The following SECISBP2 variants were observed in gnomAD, a reference collection of about 807,000 sequenced individuals.
SECISBP2 encodes selenocysteine insertion sequence-binding protein 2.
Under a neutral mutation model 98.2 loss-of-function variants are expected in SECISBP2, and 96 were observed. The observed-to-expected ratio is 0.98, with a 90% CI of 0.83 to 1.16. The LOEUF is 1.16. Among genes scored for constraint, SECISBP2 ranks in the 50% most tolerant of loss-of-function variants. The probability of loss-of-function intolerance (pLI) is 0.00; values close to 1 mark genes in which losing one functional copy is unlikely to be tolerated. For synonymous variants in SECISBP2, 407 were observed against 370.2 expected, an observed-to-expected ratio of 1.10 and a Z score of -1.14; for missense variants, 1,046 against 1,022.9, an observed-to-expected ratio of 1.02 and a Z score of -0.31.
chr9:89,363,990 A>G, downstream of SECISBP2: 1 of 1,613,858 alleles, frequency 6.2e-7, no homozygotes, highest in East Asian at 2.2e-5. Context: ...GTCCACATTT[A>G]GGACCCAAAG....
intron 5 of SECISBP2, among the ~76,000 whole-genome samples, chr9:89,332,254 C>G (rs1205385145): frequency 6.6e-6 from 1 of 152,110 alleles, no homozygotes; most frequent in Non-Finnish European, 1.5e-5. Flanking sequence ...ACACAGCCTC[C>G]TTCATTATCA....
chr9:89,329,912 G>T (rs1239966984), intron 5 of SECISBP2: 1 of 152,156 alleles, frequency 6.6e-6, no homozygotes, highest in Admixed American at 6.5e-5. Flanking sequence ...AGAAAAAAAA[G>T]ACTTTTATAA....
At chr9:89,326,187 G>A (rs1826674898) in intron 4 of SECISBP2, 149 bp downstream of exon 4, 1 of 891,430 alleles carries the variant, frequency 1.1e-6, no homozygotes. Flanking sequence ...TAGGGCGTCA[G>A]ACTTCCTGAG....
Position 89,325,483 on chromosome 9 carries a change from A to G in SECISBP2, c.239A>G (p.Tyr80Cys). The change falls in exon 3 of 17, where the codon TAT becomes TGT. Residue 80 changes from tyrosine to cysteine, a missense_variant. Coordinates refer to ENST00000375807, the MANE Select transcript of SECISBP2 (RefSeq NM_024077.5). ...GGAGCTTCAACTTTTCCACCTCAGT[A>G]TTTATCTTCTGAGATAACTCTTCAT... The part of the protein sequence containing the change: ...AFGASTFPPQ[Y>C]LSSEITLHPY... 1 of 1,613,718 alleles carries G rather than the reference A, an allele frequency of 6.2e-7. No homozygotes were observed. Among genetic ancestry groups the G allele is most frequent in the Non-Finnish European group, 8.5e-7 (1 of 1,179,722 alleles).
chr9:89,353,173 C>T (rs940451407), intron 14 of SECISBP2, among the ~76,000 whole-genome samples: 1 of 152,202 alleles, frequency 6.6e-6, no homozygotes, highest in Non-Finnish European at 1.5e-5. Context: ...GTTTCTGCTT[C>T]AAGTAGGTCC....
At chr9:89,334,204 G>T (rs1323371362) in intron 6 of SECISBP2, 2 of 1,200,136 alleles carry the variant, frequency 1.7e-6, no homozygotes, top group Non-Finnish European at 2.1e-6. Flanking sequence ...CTGTGTGCTT[G>T]CCACGTGGAC....
At chr9:89,321,234 G>A (rs1259819461) in intron 2 of SECISBP2, among the ~76,000 whole-genome samples, 2 of 152,202 alleles carry the variant, frequency 1.3e-5, no homozygotes, top group Non-Finnish European at 2.9e-5. Context: ...AGTGACAAGA[G>A]CTCAAAGCCA....
chr9:89,363,585 A>G (rs1180461538), downstream of SECISBP2: 1 of 1,608,022 alleles, frequency 6.2e-7, no homozygotes, highest in African/African-American at 1.3e-5. Flanking sequence ...GGCACCCTTG[A>G]TGCCCACTGG....
At chr9:89,358,303 A>G in intron 16 of SECISBP2, 112 bp downstream of exon 16, 1 of 1,125,288 alleles carries the variant, frequency 8.9e-7, no homozygotes, top group Non-Finnish European at 1.3e-6. Flanking sequence ...GCTGAGTAGC[A>G]GGGCCTGGTA....
Position 89,358,994 on chromosome 9 carries a change from C to G in SECISBP2, c.*170C>G. 1.6e-6 allele frequency: 1 copy of G among 632,958 alleles called. No individual in the cohort carries two copies. 39.2% of individuals were successfully genotyped at this position (632,958 alleles called of 1,614,324 possible). The stretch of plus-strand genomic sequence containing the variant: ...CAGTGTCTGCAGGCGTTCAGTGCTG[C>G]GGAGCCTGTTAAAGGTCACTCAGAT... On this transcript the variant is annotated 3_prime_UTR_variant, in exon 17 of 17. Transcript: ENST00000375807.
At chr9:89,325,341 A>G (rs2131589808) in intron 2 of SECISBP2, 86 bp from the exon 3 acceptor site, 2 of 1,253,206 alleles carry the variant, frequency 1.6e-6, no homozygotes, top group Non-Finnish European at 2.3e-6. Context: ...GAAATATTAA[A>G]TGTTCAGTTT....
rs570508317 is a variant in SECISBP2 at position 89,318,536 on chromosome 9, C to T, written c.-41C>T. 3,913 of 1,512,554 alleles carry T rather than the reference C, an allele frequency of 2.6e-3. 7 individuals are homozygous for T. The highest frequency in any genetic ancestry group is 3.3e-3 in the Middle Eastern group (18 of 5,448). 93.7% of individuals were successfully genotyped at this position (1,512,554 alleles called of 1,614,324 possible). ...GTCTGTCCGGCAAGCCGACGGCCCG[C>T]TGCTGGCCTCCGTGACGCGGCCTCC... On this transcript the variant is annotated 5_prime_UTR_variant, in exon 1 of 17. Coordinates refer to ENST00000375807, the MANE Select transcript of SECISBP2 (RefSeq NM_024077.5).
chr9:89,363,796 G>A, downstream of SECISBP2: 2 of 1,613,940 alleles, frequency 1.2e-6, no homozygotes, highest in African/African-American at 1.3e-5. Flanking sequence ...CTGAGGAGAG[G>A]ACAGAGCAGC....
chr9:89,335,932 C>T (rs1313827610), intron 7 of SECISBP2, among the ~76,000 whole-genome samples: 1 of 152,004 alleles, frequency 6.6e-6, no homozygotes, highest in Non-Finnish European at 1.5e-5. Flanking sequence ...ATGGCTTTTA[C>T]CAGTACAAGA....
At chr9:89,345,317 C>T (rs1177772584) in intron 10 of SECISBP2, among the ~76,000 whole-genome samples, 2 of 152,176 alleles carry the variant, frequency 1.3e-5, no homozygotes, top group Non-Finnish European at 2.9e-5. Context: ...AATGACCACG[C>T]TTTGAATTCA....
At chr9:89,349,469 G>A (rs1830930946) in intron 12 of SECISBP2, among the ~76,000 whole-genome samples, 1 of 152,194 alleles carries the variant, frequency 6.6e-6, no homozygotes, top group Admixed American at 6.5e-5. Flanking sequence ...TTTGGCCACT[G>A]AACTGCACAC....
intron 1 of SECISBP2, 158 bp downstream of exon 1, chr9:89,318,770 C>A: frequency 8.0e-7 from 1 of 1,245,266 alleles, no homozygotes; most frequent in Non-Finnish European, 1.0e-6. Flanking sequence ...TCTTCGCGCC[C>A]CGCCTCGGGT....
chr9:89,338,866 C>T (rs1264419110), intron 8 of SECISBP2, among the ~76,000 whole-genome samples: 3 of 151,504 alleles, frequency 2.0e-5, no homozygotes, highest in African/African-American at 4.9e-5. Flanking sequence ...AATATTTCCC[C>T]TCAGTTATCT....
At position 89,334,672 on chromosome 9, in the gene SECISBP2, C is replaced by T; in HGVS notation, c.1031C>T (p.Ala344Val). 1 of 1,614,010 alleles carries T rather than the reference C, an allele frequency of 6.2e-7. No individual in the cohort carries two copies. Among genetic ancestry groups the T allele is most frequent in the Non-Finnish European group, 8.5e-7 (1 of 1,179,906 alleles). ...PKNVSIPSSE[A>V]LSSDPSYNKE... is the part of the protein sequence containing the mutation. Reference sequence around the variant, plus strand: ...AATGTTAGTATACCATCTTCTGAAGCTTTATCTTCGGATCCTTCCTACAAC... The same window carrying T: ...AATGTTAGTATACCATCTTCTGAAGTTTTATCTTCGGATCCTTCCTACAAC... Residue 344 changes from alanine to valine, a missense_variant, in exon 7 of 17, where the codon GCT becomes GTT. Coordinates refer to ENST00000375807, the MANE Select transcript of SECISBP2 (RefSeq NM_024077.5).
Sources: allele counts gnomAD v4.1 joint callset (sites outside exome capture counted in the v4.1 genomes callset), GRCh38; gene constraint gnomAD v4.1.1; transcripts MANE v1.5; gene names NCBI Gene and HGNC (gene_info 2026-07-23, HGNC 2026-07-21).